The following SI variants were observed in gnomAD, a reference collection of about 807,000 sequenced individuals.
The protein encoded by SI is sucrase-isomaltase, intestinal.
A neutral mutation model predicts 253.3 loss-of-function variants in SI; 235 were observed. That is an observed-to-expected ratio of 0.93 (90% confidence interval 0.83 to 1.03). The LOEUF is 1.03. Ranked by LOEUF, SI falls within the 50% of genes least tolerant of loss-of-function variation. The pLI is 0.00. For missense variants in SI, 2,442 were observed against 2,211.1 expected (o/e 1.10, Z -2.09); for synonymous variants, 819 against 712.0 (o/e 1.15, Z -2.39).
Position 165,009,377 on chromosome 3 carries a change from C to T in SI, c.4081G>A (p.Ala1361Thr). The T allele has an allele frequency of 6.2e-7, 1 of 1,613,152 alleles. No homozygotes were observed. Among genetic ancestry groups the T allele is most frequent in the Non-Finnish European group, 8.5e-7 (1 of 1,179,252 alleles). Residue 1361 changes from alanine to threonine, a missense_variant, in exon 35 of 48, where the codon GCT (alanine) becomes ACT (threonine). Transcript: ENST00000264382. Reference sequence around the variant, plus strand: ...GAAGTCCTGAAGAAATCTGGGAAAGCTACATGAGCTCTGGAAGCCTGTAAA... The same window carrying T: ...GAAGTCCTGAAGAAATCTGGGAAAGTTACATGAGCTCTGGAAGCCTGTAAA... ...EAVNASRAHV[A>T]FPDFFRTSTA...
chr3:164,992,067 C>T, intron 43 of SI, 110 bp downstream of exon 43: 1 of 906,506 alleles, frequency 1.1e-6, no homozygotes, highest in Non-Finnish European at 1.8e-6. Context: ...TGTTACTTTC[C>T]ACTCTTTTTA....
chr3:165,032,697 G>C lies in SI; in HGVS notation c.2566-5C>G. 6.4e-7 allele frequency: 1 copy of C among 1,568,904 alleles called. No individual in the cohort carries two copies. Among genetic ancestry groups the C allele is most frequent in the East Asian group, 2.3e-5 (1 of 44,192 alleles). ...GCACACAATATCTAATGTGTTCTGA[G>C]AAAAATAGTATAAGATATTATATAT... On this transcript the variant is annotated splice_polypyrimidine_tract_variant and splice_region_variant and intron_variant, in intron 23 of 47. Coordinates refer to ENST00000264382, the MANE Select transcript of SI (RefSeq NM_001041.4).
At chr3:165,048,533 A>G (rs1355578696) in intron 15 of SI, among the ~76,000 whole-genome samples, 1 of 146,494 alleles carries the variant, frequency 6.8e-6, no homozygotes, top group African/African-American at 2.5e-5. Context: ...TACAAAAAAG[A>G]GTCTTAGTTA....
intron 24 of SI, 61 bp from the exon 25 acceptor site, chr3:165,030,928 T>G: frequency 6.7e-7 from 1 of 1,488,818 alleles, no homozygotes; most frequent in South Asian, 1.3e-5. Flanking sequence ...AACAAAAACA[T>G]TAAACACTGT....
chr3:164,979,406 G>C lies in SI; in HGVS notation c.5440C>G (p.His1814Asp). 1 of 1,577,732 alleles carries C rather than the reference G, an allele frequency of 6.3e-7. No homozygotes were observed. The highest frequency in any genetic ancestry group is 8.7e-7 in the Non-Finnish European group (1 of 1,148,438). The change falls in exon 48 of 48, where the codon CAC becomes GAC. Residue 1814 changes from histidine (H) to aspartate (D), a missense_variant. Physicochemically the swap from His to Asp is moderately conservative, Grantham distance 81. Transcript: ENST00000264382. ...NMILRIDLTT[H>D]NVTLEEPIEI... ...ATTGGTTCTTCTAGAGTAACATTGT[G>C]TGTGGTCAGATCAATACGTAATATC...
chr3:165,077,152 C>T (rs143103341), intron 1 of SI, among the ~76,000 whole-genome samples: 1 of 151,188 alleles, frequency 6.6e-6, no homozygotes, highest in Non-Finnish European at 1.5e-5. Context: ...AGAATTATGC[C>T]TTCATTTTAT....
At chr3:165,015,839 T>G (rs1229910041) in intron 32 of SI, 113 bp downstream of exon 32, 4 of 904,324 alleles carry the variant, frequency 4.4e-6, no homozygotes, top group Non-Finnish European at 7.2e-6. Flanking sequence ...GATTTGGGAG[T>G]GTTACTCAAA....
chr3:165,053,630 C>A (rs906068589), intron 13 of SI, among the ~76,000 whole-genome samples: 2 of 152,076 alleles, frequency 1.3e-5, no homozygotes, highest in African/African-American at 4.8e-5. Flanking sequence ...AAATACTCTG[C>A]CTTTCTCAGA....
At chr3:165,041,888 G>C (rs1423335861) in intron 17 of SI, among the ~76,000 whole-genome samples, 1 of 152,094 alleles carries the variant, frequency 6.6e-6, no homozygotes, top group Non-Finnish European at 1.5e-5. Context: ...ACACCATGCA[G>C]GCCTATTCTT....
At chr3:165,032,451 G>T in intron 24 of SI, 71 bp downstream of exon 24, 1 of 1,014,204 alleles carries the variant, frequency 9.9e-7, no homozygotes, top group Non-Finnish European at 1.5e-6. Flanking sequence ...TAGGATAAGT[G>T]CCTGAATGGT....
At chr3:165,070,839 A>G (rs1251793111) in intron 3 of SI, among the ~76,000 whole-genome samples, 1 of 152,136 alleles carries the variant, frequency 6.6e-6, no homozygotes, top group African/African-American at 2.4e-5. Flanking sequence ...CTCTCACCGT[A>G]CTGGAGGTTG....
intron 28 of SI, among the ~76,000 whole-genome samples, chr3:165,018,993 G>T (rs1196460524): frequency 6.6e-6 from 1 of 151,492 alleles, no homozygotes; most frequent in African/African-American, 2.4e-5. Flanking sequence ...AATACAAATA[G>T]AATAATTTTC....
At chr3:165,053,083 A>G (rs9883965) in intron 13 of SI, among the ~76,000 whole-genome samples, 88,174 of 151,424 alleles carry the variant, frequency 0.58, 26,065 homozygotes, top group East Asian at 0.82. Context: ...AATATTGACT[A>G]ACACTTTTGT....
Position 165,049,183 on chromosome 3 carries a change from A to C in SI, c.1659T>G (p.Gly553=). Reference sequence around the variant, plus strand: ...AGAGGCTATGAACATCATACTGTTTACCCCAGTTCTGCACAGCATCCATGC... The same window carrying C: ...AGAGGCTATGAACATCATACTGTTTCCCCCAGTTCTGCACAGCATCCATGC... ...TICMDAVQNW[G]KQYDVHSLYG... The change falls in exon 15 of 48, where the codon GGT becomes GGG. Residue 553 remains glycine, a synonymous_variant. Coordinates refer to ENST00000264382, the MANE Select transcript of SI (RefSeq NM_001041.4). 6.2e-7 allele frequency: 1 copy of C among 1,612,764 alleles called. No homozygotes were observed. The highest frequency in any genetic ancestry group is 2.2e-5 in the East Asian group (1 of 44,722).
chr3:165,006,374 T>G (rs1157581290), intron 37 of SI, among the ~76,000 whole-genome samples: 3 of 152,212 alleles, frequency 2.0e-5, no homozygotes, highest in African/African-American at 7.2e-5. Flanking sequence ...CCTCCCAAAG[T>G]GCTGGGATTA....
At chr3:165,027,712 C>T (rs925159819) in intron 25 of SI, among the ~76,000 whole-genome samples, 1 of 151,230 alleles carries the variant, frequency 6.6e-6, no homozygotes. Flanking sequence ...ACAAAAATCA[C>T]GGGATCATCT....
chr3:165,069,272 G>A, intron 3 of SI, 77 bp from the exon 4 acceptor site: 1 of 1,002,578 alleles, frequency 1.0e-6, no homozygotes, highest in East Asian at 2.6e-5. Flanking sequence ...TCCAAGGAAT[G>A]AATATTTTAA....
chr3:165,027,835 A>G (rs1712009840), intron 25 of SI, among the ~76,000 whole-genome samples: 1 of 151,628 alleles, frequency 6.6e-6, no homozygotes, highest in African/African-American at 2.4e-5. Context: ...CCAACGTAAT[A>G]CTGAATGGGG....
chr3:165,013,062 G>T lies in SI; in HGVS notation c.4000-20C>A, dbSNP rs545082301. ...CCAAACCTACAAGAGACAAGACATG[G>T]AAAAGCTGATCAAAACATAGTCAGC... is the stretch of plus-strand genomic sequence containing the variant. On this transcript the variant is annotated intron_variant, in intron 33 of 47. Transcript: ENST00000264382. 1.8e-5 allele frequency: 28 copies of T among 1,527,578 alleles called. No homozygotes were observed. The highest frequency in any genetic ancestry group is 1.8e-4 in the South Asian group (16 of 89,222). The allele number at this position is 1,527,578 out of a possible 1,614,324, so 94.6% of individuals were successfully genotyped here.
Sources: allele counts gnomAD v4.1 joint callset (sites outside exome capture counted in the v4.1 genomes callset), GRCh38; gene constraint gnomAD v4.1.1; transcripts MANE v1.5; gene names NCBI Gene and HGNC (gene_info 2026-07-23, HGNC 2026-07-21).